Variants in MYO3A observed in about 807,000 individuals in gnomAD.
MYO3A encodes the protein myosin-IIIa.
A neutral mutation model predicts 192.7 loss-of-function variants in MYO3A; 180 were observed. The observed-to-expected ratio is 0.93, with a 90% confidence interval of 0.83 to 1.06. MYO3A has a LOEUF of 1.06. MYO3A is among the 50% of genes least tolerant of loss of function. The probability of loss-of-function intolerance (pLI) is 0.00; values close to 1 mark genes in which losing one functional copy is unlikely to be tolerated. For synonymous variants in MYO3A, 628 were observed against 645.3 expected, an observed-to-expected ratio of 0.97 and a Z score of 0.41; for missense variants, 1,896 against 1,905.0, an observed-to-expected ratio of 1.00 and a Z score of 0.09.
intron 17 of MYO3A, among the ~76,000 whole-genome samples, 194 bp downstream of exon 17, chr10:26,096,876 T>A (rs979023341): frequency 1.3e-5 from 2 of 151,640 alleles, no homozygotes; most frequent in Non-Finnish European, 1.5e-5. Flanking sequence ...ATAATTGAAT[T>A]TCATTTTGTT....
chr10:26,136,986 C>T (rs1054275185), intron 20 of MYO3A, among the ~76,000 whole-genome samples: 8 of 151,840 alleles, frequency 5.3e-5, no homozygotes, highest in African/African-American at 1.9e-4. Context: ...CCACTGCACT[C>T]CAGCCTGGGC....
intron 4 of MYO3A, among the ~76,000 whole-genome samples, chr10:25,994,404 C>A (rs563281455): frequency 2.6e-5 from 4 of 152,118 alleles, no homozygotes; most frequent in Non-Finnish European, 1.5e-5. Flanking sequence ...AGCCTACGTG[C>A]GTCTCTGCAC....
intron 2 of MYO3A, among the ~76,000 whole-genome samples, chr10:25,948,859 T>A (rs1400076433): frequency 2.0e-5 from 3 of 152,106 alleles, no homozygotes; most frequent in Non-Finnish European, 4.4e-5. Flanking sequence ...CATGACTAGG[T>A]GTATTCTGTT....
At chr10:26,177,985 T>C (rs890346305) in intron 31 of MYO3A, among the ~76,000 whole-genome samples, 1 of 152,238 alleles carries the variant, frequency 6.6e-6, no homozygotes, top group African/African-American at 2.4e-5. Flanking sequence ...GTGCCCTTCA[T>C]TCCTGCTGCT....
At chr10:26,154,683 C>A (rs1841000200) in intron 24 of MYO3A, 63 bp from the exon 25 acceptor site, 4 of 1,455,890 alleles carry the variant, frequency 2.7e-6, no homozygotes, top group East Asian at 4.6e-5. Context: ...ATGCCACATG[C>A]TGTCTGTAGA....
intron 31 of MYO3A, among the ~76,000 whole-genome samples, chr10:26,180,945 C>G (rs1467827762): frequency 6.6e-6 from 1 of 151,718 alleles, no homozygotes; most frequent in East Asian, 1.9e-4. Context: ...TTGTAAATTT[C>G]AGAGAAAAAA....
chr10:26,063,619 C>G (rs929545549), intron 10 of MYO3A, among the ~76,000 whole-genome samples: 1 of 152,040 alleles, frequency 6.6e-6, no homozygotes, highest in South Asian at 2.1e-4. Context: ...AAATGAATGA[C>G]TGAAATGACA....
At chr10:26,136,163 A>G (rs968411418) in intron 20 of MYO3A, among the ~76,000 whole-genome samples, 3 of 152,180 alleles carry the variant, frequency 2.0e-5, no homozygotes, top group Admixed American at 6.5e-5. Flanking sequence ...GTGCCATCTC[A>G]TGATATAAAT....
chr10:26,181,405 C>CA (rs1392618144), intron 31 of MYO3A, among the ~76,000 whole-genome samples: 27 of 152,012 alleles, frequency 1.8e-4, no homozygotes, highest in African/African-American at 6.5e-4. Context: ...CTAGAGATTC[C>CA]AAAGCATGAT....
At chr10:26,078,518 C>G (rs1835736455) in intron 14 of MYO3A, among the ~76,000 whole-genome samples, 1 of 151,238 alleles carries the variant, frequency 6.6e-6, no homozygotes, top group Non-Finnish European at 1.5e-5. Context: ...TTAGTTCTGC[C>G]CTGATCTTGG....
At chr10:26,080,012 C>T (rs1461264558) in intron 14 of MYO3A, among the ~76,000 whole-genome samples, 1 of 151,984 alleles carries the variant, frequency 6.6e-6, no homozygotes, top group African/African-American at 2.4e-5. Flanking sequence ...AGATGAAGAC[C>T]TTATTGTGAT....
intron 4 of MYO3A, among the ~76,000 whole-genome samples, chr10:25,991,867 G>A (rs1840055017): frequency 6.6e-6 from 1 of 152,026 alleles, no homozygotes; most frequent in Non-Finnish European, 1.5e-5. Context: ...TGTTCCATTG[G>A]TCTATATCTC....
intron 24 of MYO3A, 96 bp from the exon 25 acceptor site, chr10:26,154,649 TA>T: frequency 9.1e-7 from 1 of 1,098,874 alleles, no homozygotes; most frequent in Non-Finnish European, 1.4e-6. Context: ...TTTGAATGCA[TA>T]AACTAAGATA....
chr10:26,133,510 G>T (rs912153221), intron 20 of MYO3A, among the ~76,000 whole-genome samples: 11 of 152,156 alleles, frequency 7.2e-5, no homozygotes, highest in Non-Finnish European at 1.2e-4. Context: ...CTCTTTCATT[G>T]GTGAAGTTTG....
intron 14 of MYO3A, among the ~76,000 whole-genome samples, chr10:26,072,593 T>C (rs1248618960): frequency 1.1e-4 from 16 of 152,108 alleles, no homozygotes. Flanking sequence ...TTCAGTTCTT[T>C]GATACTTTTT....
chr10:26,172,637 A>G (rs1431470317), intron 29 of MYO3A, among the ~76,000 whole-genome samples: 1 of 152,214 alleles, frequency 6.6e-6, no homozygotes, highest in Non-Finnish European at 1.5e-5. Flanking sequence ...ATTCTTAGAG[A>G]GGTCAGTACT....
chr10:26,093,869 G>A (rs932404439), intron 15 of MYO3A, among the ~76,000 whole-genome samples: 1 of 152,006 alleles, frequency 6.6e-6, no homozygotes, highest in Non-Finnish European at 1.5e-5. Context: ...TCTCAAATCT[G>A]TTTCTTTTCC....
chr10:26,210,845 G>A (rs1844190488), intron 34 of MYO3A, among the ~76,000 whole-genome samples: 1 of 151,942 alleles, frequency 6.6e-6, no homozygotes, highest in South Asian at 2.1e-4. Context: ...TACATTGCTT[G>A]ATCTATCATC....
intron 20 of MYO3A, among the ~76,000 whole-genome samples, chr10:26,133,480 G>A (rs955104861): frequency 1.2e-4 from 18 of 152,188 alleles, no homozygotes; most frequent in Admixed American, 8.5e-4. Context: ...AGGCAGCTGC[G>A]TAGCACACTT....
Sources: gnomAD v4.1 joint callset for allele counts (sites outside exome capture counted in the v4.1 genomes callset) on GRCh38, gnomAD v4.1.1 for gene constraint, MANE v1.5 for transcripts, NCBI Gene and HGNC (gene_info 2026-07-23, HGNC 2026-07-21) for gene names.